Variants in GRIA4 observed in about 807,000 individuals in gnomAD.
The protein encoded by GRIA4 is glutamate ionotropic receptor AMPA type subunit 4, also known as glutamate receptor 4.
GRIA4 carries 34 observed loss-of-function variants against 104.0 expected under a neutral mutation model. The ratio of observed to expected loss-of-function variants is 0.33; its 90% confidence interval spans 0.25 to 0.44. The LOEUF (loss-of-function observed/expected upper bound fraction) is 0.44, where lower values mean the gene tolerates loss of function less well. GRIA4 is among the 20% of genes least tolerant of loss of function. GRIA4 has a pLI of 1.00. For synonymous variants in GRIA4, 386 were observed against 381.9 expected (o/e 1.01, Z -0.13); for missense variants, 750 against 1,096.5 (o/e 0.68, Z 4.46).
intron 4 of GRIA4, among the ~76,000 whole-genome samples, chr11:105,760,433 C>T (rs1421905784): frequency 6.6e-6 from 1 of 152,118 alleles, no homozygotes; most frequent in Non-Finnish European, 1.5e-5. Context: ...ATGCACTTGC[C>T]ACTGTGAACT....
chr11:105,955,512 C>T (rs1304488676), intron 14 of GRIA4, among the ~76,000 whole-genome samples: 2 of 152,138 alleles, frequency 1.3e-5, no homozygotes, highest in East Asian at 3.8e-4. Flanking sequence ...TTTTCTTTAT[C>T]CAGTCTATCA....
At chr11:105,822,619 A>G (rs914921406) in intron 4 of GRIA4, among the ~76,000 whole-genome samples, 2 of 152,112 alleles carry the variant, frequency 1.3e-5, no homozygotes, top group South Asian at 2.1e-4. Context: ...ATGTTCATGT[A>G]ATTTTACTTA....
intron 3 of GRIA4, among the ~76,000 whole-genome samples, chr11:105,625,977 C>G (rs1950876683): frequency 1.3e-5 from 2 of 152,154 alleles, no homozygotes; most frequent in East Asian, 1.9e-4. Context: ...CTGTGGGACT[C>G]TTTACTATAT....
At position 105,881,052 on chromosome 11, in the gene GRIA4, G is replaced by A. The variant is rs189276457; in HGVS notation, c.673-6467G>A. Among the ~76,000 whole-genome samples the A allele has an allele frequency of 1.2e-3, 181 of 152,300 alleles. 1 individual carries two copies. Among genetic ancestry groups the A allele is most frequent in the Non-Finnish European group, 1.8e-3 (124 of 68,020 alleles). On this transcript the variant is annotated intron_variant, in intron 5 of 16. Transcript: ENST00000282499. Reference sequence around the variant, plus strand: ...TAAAGAACAGGCTGGAAGAGGAGTAGAGAAATTTAGTCAATGAAAGATGCA... The same window carrying A: ...TAAAGAACAGGCTGGAAGAGGAGTAAAGAAATTTAGTCAATGAAAGATGCA...
chr11:105,634,509 GAAAGAAGA>G (rs1319772979), intron 3 of GRIA4, among the ~76,000 whole-genome samples: 3 of 63,506 alleles, frequency 4.7e-5, no homozygotes, highest in African/African-American at 9.1e-5. Flanking sequence ...AAGAAAGAAA[GAAAGAAGA>G]AAGAAAGAAA....
intron 3 of GRIA4, chr11:105,612,680 T>C: frequency 2.2e-6 from 1 of 451,846 alleles, no homozygotes; most frequent in Non-Finnish European, 3.9e-6. Flanking sequence ...TTCCTGACTT[T>C]CTCTTTTATT....
intron 7 of GRIA4, among the ~76,000 whole-genome samples, chr11:105,900,921 A>G (rs985048580): frequency 3.7e-4 from 56 of 152,104 alleles, no homozygotes; most frequent in African/African-American, 1.3e-3. Context: ...TACAATCAAC[A>G]ATAATTCACT....
In GRIA4 at chr11:105,610,910, C is replaced by T. The variant is rs1950460850; in HGVS notation, c.-88C>T. ...TTTTTGGTTGATTTTAATTTTAGCG[C>T]CATCGTCTTCAATGCTTCTCTGAAC... On this transcript the variant is annotated splice_region_variant and 5_prime_UTR_variant, in exon 2 of 17. Coordinates refer to ENST00000282499, the MANE Select transcript of GRIA4 (RefSeq NM_000829.4). 2 of 480,310 alleles carry T rather than the reference C, an allele frequency of 4.2e-6. No individual in the cohort carries two copies. The highest frequency in any genetic ancestry group is 7.1e-6 in the Non-Finnish European group (2 of 280,588). 29.8% of individuals were successfully genotyped at this position (480,310 alleles called of 1,614,324 possible). A position where few individuals can be genotyped will look rare whatever the true frequency, so the allele number is the denominator to read the frequency against.
intron 6 of GRIA4, among the ~76,000 whole-genome samples, chr11:105,888,365 G>A (rs1461314464): frequency 1.6e-5 from 2 of 123,670 alleles, no homozygotes; most frequent in East Asian, 5.6e-4. Flanking sequence ...CTCACTGCAA[G>A]CTCCGCCTCC....
chr11:105,757,403 G>A (rs1245195987), intron 4 of GRIA4, among the ~76,000 whole-genome samples: 1 of 152,106 alleles, frequency 6.6e-6, no homozygotes, highest in African/African-American at 2.4e-5. Context: ...AATCAGAACA[G>A]GGGCACCGAG....
At chr11:105,771,258 AC>A (rs1941195524) in intron 4 of GRIA4, among the ~76,000 whole-genome samples, 1 of 152,038 alleles carries the variant, frequency 6.6e-6, no homozygotes, top group South Asian at 2.1e-4. Context: ...TCAAAAACTA[AC>A]CTTCCTTTGT....
At chr11:105,694,562 A>G (rs1953203442) in intron 3 of GRIA4, among the ~76,000 whole-genome samples, 1 of 152,200 alleles carries the variant, frequency 6.6e-6, no homozygotes, top group African/African-American at 2.4e-5. Flanking sequence ...TTATTAATAC[A>G]TTCTTTAAAA....
chr11:105,972,091 C>A, intron 15 of GRIA4, 63 bp downstream of exon 15: 1 of 966,676 alleles, frequency 1.0e-6, no homozygotes, highest in Non-Finnish European at 1.7e-6. Flanking sequence ...GAGCAATTGT[C>A]AAAAGTATAT....
At chr11:105,638,452 T>A (rs1177117011) in intron 3 of GRIA4, among the ~76,000 whole-genome samples, 1 of 152,104 alleles carries the variant, frequency 6.6e-6, no homozygotes, top group African/African-American at 2.4e-5. Flanking sequence ...ACATCACTTT[T>A]AAATAAATAT....
At chr11:105,870,462 T>C (rs956525544) in intron 5 of GRIA4, among the ~76,000 whole-genome samples, 23 of 151,852 alleles carry the variant, frequency 1.5e-4, no homozygotes, top group Admixed American at 1.3e-3. Context: ...GTTACATCAA[T>C]TTTAGTCGAT....
intron 3 of GRIA4, among the ~76,000 whole-genome samples, chr11:105,618,128 T>C (rs1950647624): frequency 6.6e-6 from 1 of 151,914 alleles, no homozygotes. Flanking sequence ...ATTAGTCTGG[T>C]AATAGTATTG....
At chr11:105,611,567 GCT>G (rs749053641) in intron 2 of GRIA4, among the ~76,000 whole-genome samples, 45 of 152,140 alleles carry the variant, frequency 3.0e-4, no homozygotes, top group Non-Finnish European at 5.9e-4. Context: ...GCCGTTTCTT[GCT>G]ACCAGTTAGC....
At chr11:105,957,288 T>G (rs1158896624) in intron 14 of GRIA4, among the ~76,000 whole-genome samples, 1 of 152,210 alleles carries the variant, frequency 6.6e-6, no homozygotes, top group Non-Finnish European at 1.5e-5. Context: ...AATTTTTGTA[T>G]AAGGTGTAAG....
At position 105,980,268 on chromosome 11, in the gene GRIA4, AAAT is replaced by A. The variant is rs1215929999; in HGVS notation, c.*532_*534del. The stretch of plus-strand genomic sequence containing the variant: ...AACATGTAAAACCTGTGGGAAAAAA[AAAT>A]AAAGGAAGTATGTACACTTACTTTG... On this transcript the variant is annotated 3_prime_UTR_variant, in exon 17 of 17. Coordinates refer to ENST00000282499, the MANE Select transcript of GRIA4 (RefSeq NM_000829.4). The A allele has an allele frequency of 1.3e-5, 2 of 152,616 alleles. No homozygotes were observed. Among genetic ancestry groups the A allele is most frequent in the Non-Finnish European group, 2.9e-5 (2 of 68,130 alleles). The allele number at this position is 152,616 out of a possible 1,614,324, so 9.5% of individuals were successfully genotyped here.
Sources: gnomAD v4.1 joint callset for allele counts (sites outside exome capture counted in the v4.1 genomes callset) on GRCh38, gnomAD v4.1.1 for gene constraint, MANE v1.5 for transcripts, NCBI Gene and HGNC (gene_info 2026-07-23, HGNC 2026-07-21) for gene names.